FOXK2: variants seen among roughly 807,000 people sequenced by gnomAD.
The protein encoded by FOXK2 is forkhead box K2, also known as forkhead box protein K2.
FOXK2 carries 24 observed loss-of-function variants against 53.3 expected under a neutral mutation model. The observed-to-expected ratio is 0.45, with a 90% confidence interval of 0.33 to 0.63. The LOEUF (loss-of-function observed/expected upper bound fraction) is 0.63. FOXK2 is among the 30% of genes least tolerant of loss of function. The pLI, the probability that FOXK2 is intolerant of heterozygous loss-of-function variation, is 0.03. For missense variants in FOXK2, 952 were observed against 910.5 expected (o/e 1.05, Z -0.59); for synonymous variants, 505 against 407.1 (o/e 1.24, Z -2.89).
chr17:82,531,105 C>T (rs1255779008), intron 1 of FOXK2, among the ~76,000 whole-genome samples: 2 of 152,184 alleles, frequency 1.3e-5, no homozygotes, highest in Non-Finnish European at 2.9e-5. Context: ...AAATCCTGTA[C>T]ACTTGAGTGA....
At chr17:82,542,558 C>A (rs1447278550) in intron 1 of FOXK2, among the ~76,000 whole-genome samples, 2 of 152,112 alleles carry the variant, frequency 1.3e-5, no homozygotes, top group African/African-American at 4.8e-5. Flanking sequence ...AAGCAATCTT[C>A]CTGCCTTGGC....
rs567622250 is a variant in FOXK2 at position 82,548,254 on chromosome 17, A to G, written c.420-15100A>G. 4.6e-5 allele frequency among the ~76,000 whole-genome samples: 7 copies of G among 152,294 alleles called. No individual in the cohort carries two copies. The South Asian group carries it at 1.5e-3, about 32-fold the overall frequency. ...ACCAGTTTGTATTCTTGCTGGCAGT[A>G]TGTGACAGCTAGTTGCTCCATATCC... On this transcript the variant is annotated intron_variant, in intron 1 of 8. Transcript: ENST00000335255.
intron 3 of FOXK2, among the ~76,000 whole-genome samples, chr17:82,569,870 AAAAG>A (rs910877886): frequency 2.6e-5 from 4 of 152,046 alleles, no homozygotes; most frequent in African/African-American, 9.7e-5. Flanking sequence ...ACCCTGTCTA[AAAAG>A]AAAGAATTAG....
chr17:82,595,720 C>T (rs2045302957), intron 8 of FOXK2: 1 of 1,257,304 alleles, frequency 8.0e-7, no homozygotes, highest in Non-Finnish European at 1.0e-6. Flanking sequence ...TCACTATTCC[C>T]TGGGCCCTAA....
intron 1 of FOXK2, among the ~76,000 whole-genome samples, chr17:82,536,392 G>C (rs62078100): frequency 0.043 from 6,583 of 152,286 alleles, 155 homozygotes; most frequent in African/African-American, 0.053. Flanking sequence ...CTGGAAATCA[G>C]ATTCTTCTCC....
intron 4 of FOXK2, chr17:82,577,332 C>T: frequency 1.3e-6 from 1 of 798,612 alleles, no homozygotes; most frequent in Non-Finnish European, 2.1e-6. Flanking sequence ...ACCACAACAG[C>T]AAATTCATCA....
chr17:82,526,558 C>T (rs919122810), intron 1 of FOXK2, among the ~76,000 whole-genome samples: 10 of 151,552 alleles, frequency 6.6e-5, no homozygotes, highest in African/African-American at 1.7e-4. Context: ...AGGCTGGGTG[C>T]GGTGGCTCAC....
chr17:82,556,447 A>AG (rs1039789784), intron 1 of FOXK2, among the ~76,000 whole-genome samples: 21 of 152,090 alleles, frequency 1.4e-4, no homozygotes, highest in Admixed American at 1.0e-3. Flanking sequence ...CCGTCTAAAA[A>AG]AAAAAAAAGC....
chr17:82,520,357 G>C lies in FOXK2; in HGVS notation c.419+50G>C, dbSNP rs933497826. 4.9e-6 allele frequency: 6 copies of C among 1,227,196 alleles called. No homozygotes were observed. The African/African-American group carries it at 7.9e-5, about 16-fold the overall frequency. 76.0% of individuals were successfully genotyped at this position (1,227,196 alleles called of 1,614,324 possible). ...GCGGGGTCTGCGGCCTGCAGCGCCT[G>C]GCAGGACGGGACGGGACACGCGCCC... On this transcript the variant is annotated intron_variant, in intron 1 of 8. Coordinates refer to ENST00000335255, the MANE Select transcript of FOXK2 (RefSeq NM_004514.4).
rs1567985362 is a variant in FOXK2 at position 82,586,463 on chromosome 17, GAGGAGAGGGGAGAC to G, written c.1576+264_1576+277del. 8.7e-4 allele frequency among the ~76,000 whole-genome samples: 73 copies of G among 84,098 alleles called. 14 individuals are homozygous for G. Among genetic ancestry groups the G allele is most frequent in the African/African-American group, 2.5e-3 (50 of 20,386 alleles). The allele number at this position is 84,098 out of a possible 152,430, so 55.2% of individuals were successfully genotyped here. A position where few individuals can be genotyped will look rare whatever the true frequency, so the allele number is the denominator to read the frequency against. On this transcript the variant is annotated intron_variant, in intron 7 of 8. Transcript: ENST00000335255. ...TCAAAGGTGGGCCGGGGGGGGAAAG[GAGGAGAGGGGAGAC>G]CACAGGGAGGTCAAAGGTGGGCCGG...
At position 82,520,072 on chromosome 17, in the gene FOXK2, C is replaced by A; in HGVS notation, c.184C>A (p.Gln62Lys). ...RSVTIGRNSS[Q>K]GSVDVSMGHS... Reference sequence around the variant, plus strand: ...GGTGACCATCGGCCGCAACTCGTCGCAGGGCTCGGTGGACGTGAGCATGGG... The same window carrying A: ...GGTGACCATCGGCCGCAACTCGTCGAAGGGCTCGGTGGACGTGAGCATGGG... Residue 62 changes from glutamine (Q) to lysine (K), a missense_variant, in exon 1 of 9, where the codon CAG becomes AAG. Physicochemically the swap from Gln to Lys is moderately conservative, Grantham distance 53. This residue lies in a region of FOXK2 where 163 missense variants were observed against 165.5 expected (regional missense o/e 0.98). Transcript: ENST00000335255. The A allele has an allele frequency of 6.5e-7, 1 of 1,544,116 alleles. No individual in the cohort carries two copies. The highest frequency in any genetic ancestry group is 1.9e-5 in the Admixed American group (1 of 53,582).
chr17:82,574,609 C>T (rs1383903468), intron 4 of FOXK2, among the ~76,000 whole-genome samples: 1 of 152,154 alleles, frequency 6.6e-6, no homozygotes, highest in Non-Finnish European at 1.5e-5. Flanking sequence ...CGTGAGCCAC[C>T]GCGCCTGGCC....
intron 1 of FOXK2, among the ~76,000 whole-genome samples, chr17:82,532,429 C>T (rs914929966): frequency 1.3e-5 from 2 of 152,100 alleles, no homozygotes; most frequent in Admixed American, 1.3e-4. Flanking sequence ...CAGGCGTGAG[C>T]CACTGCGCCT....
intron 1 of FOXK2, among the ~76,000 whole-genome samples, chr17:82,536,888 T>G (rs2044525712): frequency 6.6e-6 from 1 of 152,232 alleles, no homozygotes; most frequent in Admixed American, 6.5e-5. Context: ...TGAAATGTTT[T>G]TAAGCTTTTT....
At chr17:82,594,422 C>T (rs563380862) in intron 8 of FOXK2, among the ~76,000 whole-genome samples, 56 of 147,748 alleles carry the variant, frequency 3.8e-4, no homozygotes, top group African/African-American at 1.3e-3. Flanking sequence ...GGCATGAACC[C>T]GGGAGGTGGA....
chr17:82,601,204 G>A, intron 8 of FOXK2, 99 bp from the exon 9 acceptor site: 3 of 1,269,502 alleles, frequency 2.4e-6, no homozygotes, highest in South Asian at 1.4e-5. Flanking sequence ...ATGAGAGCGT[G>A]GGGTTCTGAC....
chr17:82,524,272 A>T (rs2044396085), intron 1 of FOXK2, among the ~76,000 whole-genome samples: 3 of 152,132 alleles, frequency 2.0e-5, no homozygotes, highest in African/African-American at 7.2e-5. Flanking sequence ...TAATGTAACA[A>T]CCCGTCGTTG....
chr17:82,564,086 G>T (rs1230801609), intron 2 of FOXK2, among the ~76,000 whole-genome samples: 126 of 120,592 alleles, frequency 1.0e-3, no homozygotes, highest in African/African-American at 3.6e-3. Context: ...TTTTAAAGTG[G>T]TTTTTTTTTT....
At chr17:82,575,938 C>G (rs891468178) in intron 4 of FOXK2, among the ~76,000 whole-genome samples, 15 of 148,000 alleles carry the variant, frequency 1.0e-4, no homozygotes, top group African/African-American at 1.5e-4. Flanking sequence ...GTGGCGGCGG[C>G]GGGTTCATCC....
Sources: allele counts gnomAD v4.1 joint callset (sites outside exome capture counted in the v4.1 genomes callset), GRCh38; gene constraint gnomAD v4.1.1; regional missense constraint gnomAD v4.1.1; transcripts MANE v1.5; gene names NCBI Gene and HGNC (gene_info 2026-07-23, HGNC 2026-07-21).